FARS2: variants seen among roughly 807,000 people sequenced by gnomAD.
FARS2 encodes the protein phenylalanyl-tRNA synthetase 2, mitochondrial.
FARS2 carries 40 observed loss-of-function variants against 46.4 expected under a neutral mutation model. The observed-to-expected ratio is 0.86, with a 90% CI of 0.67 to 1.12. FARS2 has a LOEUF of 1.12. Among genes scored for constraint, FARS2 ranks in the 50% most tolerant of loss-of-function variants. The pLI is 0.00. For synonymous variants in FARS2, 234 were observed against 214.9 expected (o/e 1.09, Z -0.78); for missense variants, 513 against 567.9 (o/e 0.90, Z 0.98).
At chr6:5,687,996 CTGTT>C (rs535970469) in intron 6 of FARS2, among the ~76,000 whole-genome samples, 2 of 152,170 alleles carry the variant, frequency 1.3e-5, no homozygotes, top group Admixed American at 6.5e-5. Context: ...ATTTGGCTCT[CTGTT>C]TGTCTGTTAT....
chr6:5,262,383 A>G (rs1049707449), intron 1 of FARS2, among the ~76,000 whole-genome samples: 4 of 152,044 alleles, frequency 2.6e-5, no homozygotes, highest in African/African-American at 4.8e-5. Flanking sequence ...GGTTCAAGCC[A>G]TTCTCCTGCC....
chr6:5,602,645 CAAAAAAAAAAAAAAA>C (rs55712653), intron 5 of FARS2, among the ~76,000 whole-genome samples: 2 of 72,174 alleles, frequency 2.8e-5, no homozygotes, highest in African/African-American at 8.4e-5. Flanking sequence ...GACTCCGTCT[CAAAAAAAAAAAAAAA>C]AAAAAAAAAA....
At chr6:5,515,970 G>T (rs1202142113) in intron 4 of FARS2, among the ~76,000 whole-genome samples, 3 of 152,160 alleles carry the variant, frequency 2.0e-5, no homozygotes, top group Admixed American at 1.3e-4. Context: ...CTGTGTTAGG[G>T]TAATTAAGCA....
chr6:5,638,085 G>A (rs1008934208), intron 6 of FARS2, among the ~76,000 whole-genome samples: 1 of 152,178 alleles, frequency 6.6e-6, no homozygotes, highest in Non-Finnish European at 1.5e-5. Context: ...TTGGAACAGC[G>A]ACTTCTGCCT....
At chr6:5,444,673 T>C (rs1024862776) in intron 4 of FARS2, among the ~76,000 whole-genome samples, 17 of 152,042 alleles carry the variant, frequency 1.1e-4, no homozygotes, top group Non-Finnish European at 2.1e-4. Flanking sequence ...TAGAAGACAC[T>C]CAATATCCAT....
chr6:5,437,597 GTCTT>G (rs1763599023), intron 4 of FARS2, among the ~76,000 whole-genome samples: 2 of 152,008 alleles, frequency 1.3e-5, no homozygotes, highest in Admixed American at 6.6e-5. Context: ...ATTGTGAAAT[GTCTT>G]TCTTTATCTC....
chr6:5,427,601 G>A (rs1196120289), intron 3 of FARS2, among the ~76,000 whole-genome samples: 2 of 151,898 alleles, frequency 1.3e-5, no homozygotes, highest in Non-Finnish European at 1.5e-5. Context: ...TGTGTTTTCT[G>A]TTTTAGTTAC....
chr6:5,355,368 C>CTTTTT (rs200590190), intron 1 of FARS2, among the ~76,000 whole-genome samples: 5 of 142,444 alleles, frequency 3.5e-5, no homozygotes, highest in Admixed American at 1.4e-4. Context: ...TTAGGTTTTC[C>CTTTTT]TTTTTGTTTT....
chr6:5,449,740 T>C (rs1456358342), intron 4 of FARS2, among the ~76,000 whole-genome samples: 6 of 152,236 alleles, frequency 3.9e-5, no homozygotes, highest in Non-Finnish European at 8.8e-5. Context: ...TGATTTAGCA[T>C]TCGTAATCCG....
chr6:5,341,211 ATATATATATATATATATATATATAT>A (rs1196197390), intron 1 of FARS2, among the ~76,000 whole-genome samples: 135 of 5,876 alleles, frequency 0.023, 11 homozygotes, highest in South Asian at 0.13. Context: ...ATATATATAT[ATATATATATATATATATATATATAT>A]TTTTTTTTTT....
At chr6:5,482,982 G>C (rs1040998454) in intron 4 of FARS2, among the ~76,000 whole-genome samples, 4 of 152,152 alleles carry the variant, frequency 2.6e-5, no homozygotes, top group African/African-American at 9.7e-5. Flanking sequence ...ACTGCTGCCA[G>C]GGCCCACAAG....
At chr6:5,545,869 T>C (rs1477331802) in intron 5 of FARS2, among the ~76,000 whole-genome samples, 2 of 152,218 alleles carry the variant, frequency 1.3e-5, no homozygotes, top group South Asian at 4.1e-4. Flanking sequence ...GGCTCATGCC[T>C]TTAATCTCAG....
At chr6:5,259,868 T>C (rs565271590), upstream of FARS2, among the ~76,000 whole-genome samples, 1 of 151,456 alleles carries the variant, frequency 6.6e-6, no homozygotes, top group African/African-American at 2.4e-5. Context: ...AAATGATGGG[T>C]CAGAACCAGC....
At chr6:5,564,616 T>A (rs967630726) in intron 5 of FARS2, among the ~76,000 whole-genome samples, 2 of 152,370 alleles carry the variant, frequency 1.3e-5, no homozygotes, top group African/African-American at 4.8e-5. Context: ...GAATAAACTT[T>A]AGACTTAAAC....
intron 6 of FARS2, among the ~76,000 whole-genome samples, chr6:5,648,944 G>A (rs1777211449): frequency 6.6e-6 from 1 of 152,150 alleles, no homozygotes; most frequent in Non-Finnish European, 1.5e-5. Context: ...TTGAATGAAT[G>A]AATACAGTAT....
intron 1 of FARS2, chr6:5,291,523 G>C (rs894636742): frequency 2.6e-5 from 4 of 152,170 alleles, no homozygotes; most frequent in Admixed American, 2.0e-4. Context: ...AATGAAGTCT[G>C]AGATCTTTCT....
In FARS2 at chr6:5,431,165, C is replaced by A; in HGVS notation, c.897C>A (p.Val299=). 6.2e-7 allele frequency: 1 copy of A among 1,613,508 alleles called. No homozygotes were observed. The highest frequency in any genetic ancestry group is 1.1e-5 in the South Asian group (1 of 90,972). ...LGCGVMEQQL[V]NSAGAQDRIG... ...GCGGGGTGATGGAACAACAACTGGT[C>A]AATTCAGGTAAAAAAGAATCCCACA... is the stretch of plus-strand genomic sequence containing the variant. Residue 299 remains valine, a synonymous_variant, in exon 4 of 7, where the codon GTC becomes GTA. Coordinates refer to ENST00000274680, the MANE Select transcript of FARS2 (RefSeq NM_006567.5).
At chr6:5,477,040 A>G (rs1275668385) in intron 4 of FARS2, among the ~76,000 whole-genome samples, 1 of 152,188 alleles carries the variant, frequency 6.6e-6, no homozygotes, top group Non-Finnish European at 1.5e-5. Flanking sequence ...TATAAAGATA[A>G]TCAGGCCTGG....
At chr6:5,631,079 T>C (rs1297801546) in intron 6 of FARS2, among the ~76,000 whole-genome samples, 1 of 152,122 alleles carries the variant, frequency 6.6e-6, no homozygotes, top group Non-Finnish European at 1.5e-5. Flanking sequence ...GAAATTAGAC[T>C]TGACCTCCAC....
Sources: allele counts gnomAD v4.1 joint callset (sites outside exome capture counted in the v4.1 genomes callset), GRCh38; gene constraint gnomAD v4.1.1; transcripts MANE v1.5; gene names NCBI Gene and HGNC (gene_info 2026-07-23, HGNC 2026-07-21).